Variants in NUB1 observed in about 807,000 individuals in gnomAD.
The protein encoded by NUB1 is NEDD8 ultimate buster 1.
A neutral mutation model predicts 77.1 loss-of-function variants in NUB1; 41 were observed. The observed-to-expected ratio is 0.53, with a 90% CI of 0.41 to 0.69. The LOEUF (loss-of-function observed/expected upper bound fraction) is 0.69. Ranked by LOEUF, NUB1 falls within the 30% of genes least tolerant of loss-of-function variation. The probability of loss-of-function intolerance (pLI) is 0.00; values close to 1 mark genes in which losing one functional copy is unlikely to be tolerated. For synonymous variants in NUB1, 257 were observed against 281.0 expected, an observed-to-expected ratio of 0.91 and a Z score of 0.85; for missense variants, 643 against 743.8, an observed-to-expected ratio of 0.86 and a Z score of 1.58.
At chr7:151,351,916 AAC>A (rs1204427761) in intron 4 of NUB1, among the ~76,000 whole-genome samples, 8 of 151,126 alleles carry the variant, frequency 5.3e-5, no homozygotes, top group South Asian at 2.1e-4. Flanking sequence ...CCATCTGTAA[AAC>A]ACACACACAC....
chr7:151,349,950 T>G (rs1018090263), intron 3 of NUB1, among the ~76,000 whole-genome samples: 10 of 152,136 alleles, frequency 6.6e-5, no homozygotes, highest in Admixed American at 1.3e-4. Flanking sequence ...GTGCTGTTAT[T>G]TATTGGATAC....
chr7:151,349,297 A>C (rs1796676579), intron 3 of NUB1, 57 bp downstream of exon 3: 1 of 1,379,082 alleles, frequency 7.3e-7, no homozygotes, highest in Non-Finnish European at 1.0e-6. Flanking sequence ...GATGAGGTCA[A>C]ATAAATTGTT....
intron 2 of NUB1, among the ~76,000 whole-genome samples, chr7:151,347,048 C>G (rs2080096465): frequency 6.6e-6 from 1 of 151,784 alleles, no homozygotes; most frequent in African/African-American, 2.4e-5. Flanking sequence ...TGGCTGGTGA[C>G]AGGAGGAAGA....
intron 7 of NUB1, among the ~76,000 whole-genome samples, chr7:151,356,829 TGCCTCA>T (rs1453750676): frequency 3.3e-5 from 5 of 152,192 alleles, no homozygotes; most frequent in Non-Finnish European, 5.9e-5. Flanking sequence ...GTGATTCTCC[TGCCTCA>T]GCCTCCTGAG....
chr7:151,370,764 A>G (rs904330512), intron 11 of NUB1, among the ~76,000 whole-genome samples: 5 of 144,228 alleles, frequency 3.5e-5, no homozygotes, highest in African/African-American at 7.8e-5. Flanking sequence ...TCATTGTTCA[A>G]TTCCCACCTG....
intron 1 of NUB1, among the ~76,000 whole-genome samples, chr7:151,344,090 A>G (rs1449420002): frequency 7.1e-6 from 1 of 141,844 alleles, no homozygotes; most frequent in East Asian, 2.2e-4. Context: ...CTGAGGCAGG[A>G]GAATGGCGTG....
At chr7:151,370,637 C>T (rs1052899908) in intron 11 of NUB1, among the ~76,000 whole-genome samples, 1 of 151,682 alleles carries the variant, frequency 6.6e-6, no homozygotes, top group Admixed American at 6.6e-5. Flanking sequence ...TGGTGCGCTG[C>T]ACCCATTAAC....
intron 5 of NUB1, among the ~76,000 whole-genome samples, chr7:151,354,831 C>T (rs1461408977): frequency 2.6e-5 from 4 of 152,234 alleles, no homozygotes; most frequent in African/African-American, 7.2e-5. Context: ...CAGCCTCCAC[C>T]TCCCAGGTGC....
At chr7:151,370,443 G>A (rs1357021432) in intron 11 of NUB1, among the ~76,000 whole-genome samples, 3 of 152,166 alleles carry the variant, frequency 2.0e-5, no homozygotes, top group Non-Finnish European at 4.4e-5. Context: ...AGTACTAACA[G>A]AAAAATGAAC....
intron 8 of NUB1, among the ~76,000 whole-genome samples, chr7:151,365,463 A>C (rs1033610568): frequency 1.3e-5 from 2 of 152,214 alleles, no homozygotes; most frequent in African/African-American, 4.8e-5. Context: ...AGCCTGTTAA[A>C]GCAACATGCA....
intron 2 of NUB1, 134 bp from the exon 3 acceptor site, chr7:151,348,939 A>T: frequency 1.4e-6 from 1 of 715,666 alleles, no homozygotes; most frequent in Non-Finnish European, 2.4e-6. Flanking sequence ...ATGTCAAACC[A>T]CAGTGTGGAC....
intron 2 of NUB1, among the ~76,000 whole-genome samples, chr7:151,346,704 T>G (rs2150662585): frequency 6.6e-6 from 1 of 152,340 alleles, no homozygotes; most frequent in South Asian, 2.1e-4. Context: ...GCTTCTATGC[T>G]CAGGACCCTT....
Position 151,341,842 on chromosome 7 carries a change from C to T in NUB1, c.-7C>T, listed in dbSNP as rs1049692735. The T allele has an allele frequency of 3.8e-5, 57 of 1,504,762 alleles. No individual in the cohort carries two copies. The highest frequency in any genetic ancestry group is 4.8e-5 in the Non-Finnish European group (54 of 1,136,114). 93.2% of individuals were successfully genotyped at this position (1,504,762 alleles called of 1,614,324 possible). The stretch of plus-strand genomic sequence containing the variant: ...GCTGGTCGCGGCGGGAGTGGCGTGG[C>T]GCAGGTGAGGACACGGCGGCCGAGT... On this transcript the variant is annotated 5_prime_UTR_variant, in exon 1 of 15. Transcript: ENST00000568733.
At position 151,360,386 on chromosome 7, in the gene NUB1, T is replaced by G. The variant is rs114001960; in HGVS notation, c.800+139T>G. On this transcript the variant is annotated intron_variant, in intron 8 of 14. Transcript: ENST00000568733. ...GTAAAAGAGTAGTTATGGTGTAAAC[T>G]GGTGAATTTCTTCTTCCCTTTGTAT... 1,317 of 490,968 alleles carry G rather than the reference T, an allele frequency of 2.7e-3. 13 individuals carry two copies. Among genetic ancestry groups the G allele is most frequent in the African/African-American group, 0.023 (1,214 of 52,180 alleles). 30.4% of individuals were successfully genotyped at this position (490,968 alleles called of 1,614,324 possible). A position where few individuals can be genotyped will look rare whatever the true frequency, so the allele number is the denominator to read the frequency against.
chr7:151,357,608 G>GTT (rs111661341), intron 7 of NUB1, among the ~76,000 whole-genome samples: 11 of 143,168 alleles, frequency 7.7e-5, no homozygotes, highest in East Asian at 2.0e-4. Context: ...AAAGATTAAA[G>GTT]TTTTTTTTTT....
At chr7:151,358,238 C>G (rs1384398243) in intron 7 of NUB1, among the ~76,000 whole-genome samples, 1 of 152,196 alleles carries the variant, frequency 6.6e-6, no homozygotes, top group African/African-American at 2.4e-5. Context: ...TCCCAAAGTG[C>G]TGGGATTACA....
At chr7:151,366,878 C>T (rs1312467279) in intron 8 of NUB1, 61 bp from the exon 9 acceptor site, 2 of 1,396,952 alleles carry the variant, frequency 1.4e-6, no homozygotes, top group African/African-American at 2.9e-5. Flanking sequence ...AAAAAGGTTT[C>T]AAATGCTAAA....
At chr7:151,345,588 CG>C in intron 2 of NUB1, 122 bp downstream of exon 2, 2 of 523,478 alleles carry the variant, frequency 3.8e-6, no homozygotes, top group South Asian at 3.4e-5. Flanking sequence ...TAGTGGTGAG[CG>C]GGTACCCACT....
intron 1 of NUB1, 144 bp downstream of exon 1, chr7:151,341,990 G>T: frequency 8.0e-7 from 1 of 1,249,650 alleles, no homozygotes. Flanking sequence ...GTGGAGCTGG[G>T]CCGGGGCCGG....
Sources: gnomAD v4.1 joint callset for allele counts (sites outside exome capture counted in the v4.1 genomes callset) on GRCh38, gnomAD v4.1.1 for gene constraint, MANE v1.5 for transcripts, NCBI Gene and HGNC (gene_info 2026-07-23, HGNC 2026-07-21) for gene names.